GBF1: variants seen among roughly 807,000 people sequenced by gnomAD.
GBF1 encodes the protein golgi brefeldin A resistant guanine nucleotide exchange factor 1.
A neutral mutation model predicts 210.5 loss-of-function variants in GBF1; 114 were observed. The observed-to-expected ratio is 0.54, with a 90% CI of 0.47 to 0.63. GBF1 has a LOEUF of 0.63. Ranked by LOEUF, GBF1 falls within the 30% of genes least tolerant of loss-of-function variation. GBF1 has a pLI of 0.00. For synonymous variants in GBF1, 850 were observed against 889.2 expected (o/e 0.96, Z 0.78); for missense variants, 1,851 against 2,357.7 (o/e 0.79, Z 4.45).
At chr10:102,256,843 A>C (rs1057384822) in intron 1 of GBF1, among the ~76,000 whole-genome samples, 3 of 152,182 alleles carry the variant, frequency 2.0e-5, no homozygotes, top group Non-Finnish European at 2.9e-5. Context: ...TTACAGATCC[A>C]GCCTGGGCAA....
intron 3 of GBF1, among the ~76,000 whole-genome samples, chr10:102,277,722 A>G (rs1419580401): frequency 6.6e-6 from 1 of 152,176 alleles, no homozygotes; most frequent in East Asian, 1.9e-4. Flanking sequence ...CATATTTCCT[A>G]AGAACAAGGA....
At chr10:102,264,982 C>G (rs561809477) in intron 3 of GBF1, among the ~76,000 whole-genome samples, 1 of 152,286 alleles carries the variant, frequency 6.6e-6, no homozygotes, top group African/African-American at 2.4e-5. Flanking sequence ...GGGGCTCTTG[C>G]ATATGGGAGT....
chr10:102,357,136 T>C (rs1318992650), intron 8 of GBF1, among the ~76,000 whole-genome samples: 1 of 152,190 alleles, frequency 6.6e-6, no homozygotes, highest in Non-Finnish European at 1.5e-5. Context: ...AGGCCACTCC[T>C]TCCTTAACTC....
rs940323146 is a variant in GBF1, at chr10:102,277,838, G to GT, written c.163+17732dup. ...TTTTGTCAATAAACTTTTATTATTT[G>GT]TTTTTTTTTTCCCCTTCAGCCAAGG... On this transcript the variant is annotated intron_variant, in intron 3 of 39. Transcript: ENST00000369983. Among the ~76,000 whole-genome samples, 64 of 147,622 alleles carry GT rather than the reference G, an allele frequency of 4.3e-4. 1 individual carries two copies. The highest frequency in any genetic ancestry group is 3.5e-3 in the Middle Eastern group (1 of 286).
chr10:102,333,664 T>G (rs2057503075), intron 3 of GBF1, among the ~76,000 whole-genome samples: 2 of 152,178 alleles, frequency 1.3e-5, no homozygotes, highest in South Asian at 4.1e-4. Context: ...TGGGCTCAAG[T>G]GATTCTCCCA....
chr10:102,358,235 T>C, intron 9 of GBF1, 49 bp downstream of exon 9: 1 of 1,535,598 alleles, frequency 6.5e-7, no homozygotes, highest in Non-Finnish European at 8.9e-7. Context: ...AAGAGCTCCT[T>C]TCTCTCTTAG....
At chr10:102,299,696 C>T (rs2077182041) in intron 3 of GBF1, among the ~76,000 whole-genome samples, 2 of 152,174 alleles carry the variant, frequency 1.3e-5, no homozygotes, top group East Asian at 3.9e-4. Context: ...GCAGGAGAAT[C>T]GCTTGAACCC....
At chr10:102,312,096 A>G (rs2078491463) in intron 3 of GBF1, among the ~76,000 whole-genome samples, 1 of 152,154 alleles carries the variant, frequency 6.6e-6, no homozygotes, top group African/African-American at 2.4e-5. Context: ...GTTTGAGACC[A>G]GCCTGACCAG....
At chr10:102,297,309 G>A (rs1347242774) in intron 3 of GBF1, among the ~76,000 whole-genome samples, 5 of 152,362 alleles carry the variant, frequency 3.3e-5, no homozygotes, top group African/African-American at 9.6e-5. Context: ...CTAAGTAGCT[G>A]TGACAGCCTT....
chr10:102,287,147 T>C (rs924613018), intron 3 of GBF1, among the ~76,000 whole-genome samples: 16 of 152,122 alleles, frequency 1.1e-4, no homozygotes, highest in African/African-American at 3.6e-4. Context: ...AATAATGATA[T>C]CAAATGGTAC....
In GBF1 at chr10:102,363,313, T is replaced by G; in HGVS notation, c.1934T>G (p.Leu645Arg). 7 of 1,613,866 alleles carry G rather than the reference T, an allele frequency of 4.3e-6. No individual in the cohort carries two copies. Among genetic ancestry groups the G allele is most frequent in the Non-Finnish European group, 5.9e-6 (7 of 1,179,770 alleles). Reference protein sequence around the residue: ...AVGMASDIPGLHLPGGGRLPP... With the variant: ...AVGMASDIPGRHLPGGGRLPP... ...GGCATGGCCTCAGACATCCCAGGCCTGCATCTGCCAGGTGGAGGGCGGCTG... is the reference window on the plus strand; with the variant it reads ...GGCATGGCCTCAGACATCCCAGGCCGGCATCTGCCAGGTGGAGGGCGGCTG... The change falls in exon 16 of 40, where the codon CTG becomes CGG. Residue 645 changes from leucine (L) to arginine (R), a missense_variant. Leu to Arg is a moderately radical substitution (Grantham distance 102, BLOSUM62 -2). Transcript: ENST00000369983. The surrounding 1 kb of genome is among the most constrained non-coding windows in gnomAD (Gnocchi z 4.2).
At chr10:102,278,972 ACTC>A (rs1159046788) in intron 3 of GBF1, among the ~76,000 whole-genome samples, 9 of 152,202 alleles carry the variant, frequency 5.9e-5, no homozygotes, top group African/African-American at 2.2e-4. Flanking sequence ...TGAAGATCAT[ACTC>A]CTCTTTAAAC....
At chr10:102,368,895 A>G (rs2060055760) in intron 23 of GBF1, 63 bp downstream of exon 23, 6 of 1,110,786 alleles carry the variant, frequency 5.4e-6, no homozygotes, top group Admixed American at 3.5e-5. Context: ...TTAGCCATGG[A>G]TCTACCCTTA....
chr10:102,289,068 A>C (rs1407000946), intron 3 of GBF1, among the ~76,000 whole-genome samples: 1 of 150,246 alleles, frequency 6.7e-6, no homozygotes, highest in Non-Finnish European at 1.5e-5. Context: ...ATGCCACTGC[A>C]CTCCAGTCTG....
chr10:102,313,286 G>A (rs1378330758), intron 3 of GBF1, among the ~76,000 whole-genome samples: 1 of 152,144 alleles, frequency 6.6e-6, no homozygotes, highest in Non-Finnish European at 1.5e-5. Context: ...CGGTACTGCA[G>A]TCAGTATACT....
chr10:102,367,766 G>T (rs2059990108), intron 21 of GBF1, among the ~76,000 whole-genome samples: 1 of 152,006 alleles, frequency 6.6e-6, no homozygotes, highest in South Asian at 2.1e-4. Context: ...TCTAAGCCAG[G>T]GTCCAAAGTG....
rs567679884 is a variant in GBF1, at chr10:102,251,170, C to T, written c.-11+5389C>T. On this transcript the variant is annotated intron_variant, in intron 1 of 39. Transcript: ENST00000369983. ...CTTAAGGAGATGTCAGGAAGATAGA[C>T]GTGAAAAAAGAAGCATTATGATATG... 9.2e-5 allele frequency among the ~76,000 whole-genome samples: 14 copies of T among 152,176 alleles called. No individual in the cohort carries two copies. In the South Asian group the frequency reaches 1.0e-3, roughly 11 times the overall value.
intron 3 of GBF1, among the ~76,000 whole-genome samples, chr10:102,341,691 T>C (rs980518348): frequency 6.6e-6 from 1 of 152,222 alleles, no homozygotes; most frequent in Non-Finnish European, 1.5e-5. Flanking sequence ...GTCTGAAAAT[T>C]GGCTGTAAAA....
chr10:102,353,671 G>T lies in GBF1; in HGVS notation c.639+17G>T. On this transcript the variant is annotated intron_variant, in intron 8 of 39. Coordinates refer to ENST00000369983, the MANE Select transcript of GBF1 (RefSeq NM_001377137.1). The stretch of plus-strand genomic sequence containing the variant: ...ATGAAGAAGGTATGATCTGAGAGCT[G>T]ATCTGCTGTCCCTCATCCAAACCTT... 1 of 1,591,640 alleles carries T rather than the reference G, an allele frequency of 6.3e-7. No homozygotes were observed. The highest frequency in any genetic ancestry group is 8.6e-7 in the Non-Finnish European group (1 of 1,159,510).
Sources: allele counts gnomAD v4.1 joint callset (sites outside exome capture counted in the v4.1 genomes callset), GRCh38; gene constraint gnomAD v4.1.1; non-coding constraint Gnocchi (gnomAD v3.1); transcripts MANE v1.5; gene names NCBI Gene and HGNC (gene_info 2026-07-23, HGNC 2026-07-21).